ASAP1: variants seen among roughly 807,000 people sequenced by gnomAD.
ASAP1 encodes ArfGAP with SH3 domain, ankyrin repeat and PH domain 1.
Under a neutral mutation model 145.2 loss-of-function variants are expected in ASAP1, and 43 were observed. The observed-to-expected ratio is 0.30, with a 90% CI of 0.23 to 0.38. ASAP1 has a LOEUF of 0.38. Ranked by LOEUF, ASAP1 falls within the 10% of genes least tolerant of loss-of-function variation. The pLI is 1.00. For synonymous variants in ASAP1, 546 were observed against 515.5 expected (o/e 1.06, Z -0.80); for missense variants, 1,018 against 1,355.3 (o/e 0.75, Z 3.91).
chr8:130,054,903 C>T, intron 29 of ASAP1, 98 bp from the exon 30 acceptor site: 2 of 932,870 alleles, frequency 2.1e-6, no homozygotes, highest in Non-Finnish European at 1.8e-6. Context: ...GCCCACAGAC[C>T]TGGCGGTGGA....
At chr8:130,143,797 C>T (rs778451595) in intron 13 of ASAP1, among the ~76,000 whole-genome samples, 2 of 152,172 alleles carry the variant, frequency 1.3e-5, no homozygotes, top group African/African-American at 4.8e-5. Flanking sequence ...CACCATGGTT[C>T]CAGTGTTTTT....
At chr8:130,366,907 T>TTTTTTTTTTTTTTTTTTTTG (rs1826981993) in intron 2 of ASAP1, among the ~76,000 whole-genome samples, 1 of 147,866 alleles carries the variant, frequency 6.8e-6, no homozygotes, top group African/African-American at 2.5e-5. Context: ...TTTTTTTTTT[T>TTTTTTTTTTTTTTTTTTTTG]TGAGACAGAG....
At chr8:130,108,036 T>C (rs1382442387) in intron 24 of ASAP1, among the ~76,000 whole-genome samples, 1 of 152,216 alleles carries the variant, frequency 6.6e-6, no homozygotes, top group African/African-American at 2.4e-5. Context: ...GTAGTTAGTC[T>C]CTTCACCTAC....
chr8:130,351,737 T>C (rs1019898713), intron 3 of ASAP1, among the ~76,000 whole-genome samples: 1 of 152,174 alleles, frequency 6.6e-6, no homozygotes, highest in Non-Finnish European at 1.5e-5. Context: ...GGGATGATGA[T>C]GCTAAACCAT....
chr8:130,357,949 AGAG>A (rs1826438500), intron 3 of ASAP1, 65 bp downstream of exon 3: 4 of 1,526,372 alleles, frequency 2.6e-6, no homozygotes, highest in Non-Finnish European at 3.5e-6. Context: ...CCCAGCTCGG[AGAG>A]GAGATCCTCC....
intron 3 of ASAP1, among the ~76,000 whole-genome samples, chr8:130,253,882 G>A (rs1045747997): frequency 6.6e-6 from 1 of 152,068 alleles, no homozygotes; most frequent in Non-Finnish European, 1.5e-5. Context: ...TTAGCCAGCC[G>A]TGGCGGTGGG....
chr8:130,181,168 T>C (rs1034915002), intron 7 of ASAP1, among the ~76,000 whole-genome samples: 5 of 152,204 alleles, frequency 3.3e-5, no homozygotes, highest in Non-Finnish European at 5.9e-5. Flanking sequence ...CCACTGATTA[T>C]TAATTCCTAA....
chr8:130,163,798 T>C (rs1399253311), intron 11 of ASAP1, among the ~76,000 whole-genome samples: 2 of 152,212 alleles, frequency 1.3e-5, no homozygotes, highest in Non-Finnish European at 2.9e-5. Flanking sequence ...AAAAACTCAT[T>C]TGGGCAAAAA....
At chr8:130,313,296 C>T (rs1204400405) in intron 3 of ASAP1, among the ~76,000 whole-genome samples, 2 of 151,196 alleles carry the variant, frequency 1.3e-5, no homozygotes, top group Non-Finnish European at 3.0e-5. Flanking sequence ...AATAAAATAA[C>T]ATAACCGTTT....
intron 28 of ASAP1, among the ~76,000 whole-genome samples, chr8:130,059,355 G>A (rs1047572746): frequency 1.2e-4 from 18 of 152,056 alleles, no homozygotes; most frequent in Admixed American, 5.9e-4. Context: ...TTATAGAGAC[G>A]GTTTCTCTGT....
intron 6 of ASAP1, among the ~76,000 whole-genome samples, chr8:130,187,778 G>A (rs1370670706): frequency 1.3e-5 from 2 of 152,124 alleles, no homozygotes; most frequent in African/African-American, 2.4e-5. Flanking sequence ...AAGGGTAAGC[G>A]CCCTGGTCAT....
At chr8:130,083,660 AG>A (rs2097486326) in intron 25 of ASAP1, 1 of 152,264 alleles carries the variant, frequency 6.6e-6, no homozygotes, top group African/African-American at 2.4e-5. Flanking sequence ...GCTAGACCAC[AG>A]GAAGCCTGAC....
intron 3 of ASAP1, among the ~76,000 whole-genome samples, chr8:130,252,067 G>A (rs1565137286): frequency 6.6e-6 from 1 of 152,128 alleles, no homozygotes; most frequent in South Asian, 2.1e-4. Context: ...ATCATTAGCA[G>A]TGTTTTATAG....
At chr8:130,362,457 T>G (rs894325241) in intron 2 of ASAP1, among the ~76,000 whole-genome samples, 21 of 152,254 alleles carry the variant, frequency 1.4e-4, no homozygotes, top group Admixed American at 2.6e-4. Flanking sequence ...CTAAACTATG[T>G]TTCAGATTAT....
At chr8:130,234,965 T>G (rs1379820385) in intron 4 of ASAP1, among the ~76,000 whole-genome samples, 2 of 152,192 alleles carry the variant, frequency 1.3e-5, no homozygotes, top group Non-Finnish European at 2.9e-5. Context: ...TACCATTTGT[T>G]AGGCACCTAC....
In ASAP1 at chr8:130,401,986, G is replaced by T; in HGVS notation, c.-27-16C>A. On this transcript the variant is annotated splice_polypyrimidine_tract_variant and intron_variant, in intron 1 of 29. Transcript: ENST00000518721. ...AGAAAACGACCTGGATAGGGGGCAG[G>T]ACAAAAAGGGGACAAGAGTCATCCG... 1.3e-6 allele frequency: 2 copies of T among 1,553,134 alleles called. No homozygotes were observed. The highest frequency in any genetic ancestry group is 8.8e-7 in the Non-Finnish European group (1 of 1,132,624).
At chr8:130,068,558 A>G (rs2097435091) in intron 27 of ASAP1, among the ~76,000 whole-genome samples, 1 of 152,242 alleles carries the variant, frequency 6.6e-6, no homozygotes, top group Non-Finnish European at 1.5e-5. Flanking sequence ...TTTAAACACT[A>G]CAGAGTAGAA....
At chr8:130,087,972 T>C (rs998257312) in intron 25 of ASAP1, among the ~76,000 whole-genome samples, 1 of 152,086 alleles carries the variant, frequency 6.6e-6, no homozygotes, top group African/African-American at 2.4e-5. Context: ...ATTTTGCATG[T>C]GGGTTGGATG....
Position 130,402,101 on chromosome 8 carries a change from G to A in ASAP1, c.-27-131C>T, listed in dbSNP as rs188193579. On this transcript the variant is annotated intron_variant, in intron 1 of 29. Transcript: ENST00000518721. Reference sequence around the variant, plus strand: ...GTCAGGAATGTTCTTGCACCACAGAGTGGCTGTCCAGAAATATGAAGGAAA... The same window carrying A: ...GTCAGGAATGTTCTTGCACCACAGAATGGCTGTCCAGAAATATGAAGGAAA... 1.1e-3 allele frequency: 633 copies of A among 584,964 alleles called. 4 individuals are homozygous for A. Among genetic ancestry groups the A allele is most frequent in the African/African-American group, 7.0e-3 (379 of 53,818 alleles). The allele number at this position is 584,964 out of a possible 1,614,324, so 36.2% of individuals were successfully genotyped here.
Sources: allele counts gnomAD v4.1 joint callset (sites outside exome capture counted in the v4.1 genomes callset), GRCh38; gene constraint gnomAD v4.1.1; transcripts MANE v1.5; gene names NCBI Gene and HGNC (gene_info 2026-07-23, HGNC 2026-07-21).